PTK2: variants seen among roughly 807,000 people sequenced by gnomAD.
PTK2 encodes focal adhesion kinase 1.
PTK2 carries 45 observed loss-of-function variants against 150.1 expected under a neutral mutation model. That is an observed-to-expected ratio of 0.30 (90% confidence interval 0.24 to 0.38). The LOEUF (loss-of-function observed/expected upper bound fraction) is 0.38. PTK2 is among the 10% of genes least tolerant of loss of function. The probability of loss-of-function intolerance (pLI) is 1.00; values close to 1 mark genes in which losing one functional copy is unlikely to be tolerated. For missense variants in PTK2, 919 were observed against 1,307.3 expected (o/e 0.70, Z 4.58); for synonymous variants, 432 against 449.2 (o/e 0.96, Z 0.48).
chr8:140,979,965 C>A (rs945467069), intron 1 of PTK2, among the ~76,000 whole-genome samples: 2 of 152,160 alleles, frequency 1.3e-5, no homozygotes, highest in Non-Finnish European at 2.9e-5. Context: ...CAAACTAATA[C>A]AAGGAGTCAT....
chr8:140,868,322 T>A (rs574886342), intron 4 of PTK2, among the ~76,000 whole-genome samples: 1 of 152,332 alleles, frequency 6.6e-6, no homozygotes, highest in African/African-American at 2.4e-5. Context: ...GTGTGAACAG[T>A]CTGTTCTTAC....
intron 27 of PTK2, among the ~76,000 whole-genome samples, chr8:140,683,644 G>A (rs1279806593): frequency 1.3e-5 from 2 of 151,838 alleles, no homozygotes; most frequent in African/African-American, 4.8e-5. Flanking sequence ...ACAACAAAAA[G>A]CTAATCCACC....
intron 5 of PTK2, among the ~76,000 whole-genome samples, chr8:140,855,065 T>G (rs954114067): frequency 6.6e-6 from 1 of 152,198 alleles, no homozygotes; most frequent in African/African-American, 2.4e-5. Context: ...CATTTCTCAC[T>G]GCAGCCCAAA....
At chr8:140,891,917 C>T (rs569112707) in intron 2 of PTK2, among the ~76,000 whole-genome samples, 1 of 152,248 alleles carries the variant, frequency 6.6e-6, no homozygotes, top group African/African-American at 2.4e-5. Flanking sequence ...TCAGATCCAT[C>T]GTGGCAGGCC....
At chr8:140,905,565 C>T (rs13270279) in intron 2 of PTK2, among the ~76,000 whole-genome samples, 63,452 of 151,958 alleles carry the variant, frequency 0.42, 15,162 homozygotes, top group Non-Finnish European at 0.55. Context: ...GACTTCCACA[C>T]AATAATAGCG....
At chr8:140,863,815 T>C (rs2100137696) in intron 5 of PTK2, among the ~76,000 whole-genome samples, 2 of 152,350 alleles carry the variant, frequency 1.3e-5, no homozygotes, top group Middle Eastern at 3.4e-3. Flanking sequence ...TTAATAAATA[T>C]TTTTATTAAA....
At chr8:140,709,479 A>T (rs185942159) in intron 23 of PTK2, among the ~76,000 whole-genome samples, 68 of 152,350 alleles carry the variant, frequency 4.5e-4, no homozygotes, top group African/African-American at 1.6e-3. Context: ...TGTTCTCTAC[A>T]AATCAGAGGT....
Position 140,665,135 on chromosome 8 carries a change from T to C in PTK2, c.2866-138A>G, listed in dbSNP as rs1164213880. The stretch of plus-strand genomic sequence containing the variant: ...TTCTTTTTCTCAGTGCTTAGCCCTA[T>C]CTTGTAAGTTATGAGGCTCCTTTTT... On this transcript the variant is annotated intron_variant, in intron 30 of 31. Coordinates refer to ENST00000522684, the Ensembl canonical transcript of PTK2. 8.2e-6 allele frequency: 6 copies of C among 736,182 alleles called. No individual in the cohort carries two copies. The Admixed American group carries it at 1.7e-4, about 21-fold the overall frequency. The allele number at this position is 736,182 out of a possible 1,614,324, so 45.6% of individuals were successfully genotyped here.
At chr8:140,965,264 T>C (rs375291689) in intron 1 of PTK2, among the ~76,000 whole-genome samples, 5 of 152,164 alleles carry the variant, frequency 3.3e-5, no homozygotes, top group East Asian at 3.8e-4. Context: ...ACAGAGCAAC[T>C]TGTACTTTCT....
At position 140,936,147 on chromosome 8, in the gene PTK2, A is replaced by G. The variant is rs187037029; in HGVS notation, c.-121-10398T>C. Among the ~76,000 whole-genome samples, 1,317 of 152,254 alleles carry G rather than the reference A, an allele frequency of 8.7e-3. 22 individuals are homozygous for G. The highest frequency in any genetic ancestry group is 0.042 in the Admixed American group (643 of 15,294). ...TTGCCCTCCAGCCTGAGCTGGAGTA[A>G]AACTCTGTCTCTAAAATTAAAAAAA... On this transcript the variant is annotated intron_variant, in intron 1 of 31. Coordinates refer to ENST00000522684, the Ensembl canonical transcript of PTK2.
intron 22 of PTK2, among the ~76,000 whole-genome samples, chr8:140,726,347 G>C (rs1431162213): frequency 6.6e-6 from 1 of 152,124 alleles, no homozygotes. Flanking sequence ...AAATGTATCT[G>C]AAGAAACAAT....
intron 1 of PTK2, among the ~76,000 whole-genome samples, chr8:140,964,984 T>G (rs891089240): frequency 1.3e-5 from 2 of 152,224 alleles, no homozygotes; most frequent in Non-Finnish European, 2.9e-5. Context: ...TTGATGGTCC[T>G]GCTATCATGA....
intron 23 of PTK2, among the ~76,000 whole-genome samples, chr8:140,711,138 G>C (rs1359172228): frequency 1.3e-5 from 2 of 152,044 alleles, no homozygotes; most frequent in East Asian, 1.9e-4. Context: ...ATGGAGTCTT[G>C]TTCTGTCGCC....
chr8:140,892,775 C>A lies in PTK2; in HGVS notation c.-32-2006G>T, dbSNP rs112832446. Reference sequence around the variant, plus strand: ...AATACCCTATATATATACAGAAATTCTTTTAAAATGAGGGGGGAAATGATA... The same window carrying A: ...AATACCCTATATATATACAGAAATTATTTTAAAATGAGGGGGGAAATGATA... On this transcript the variant is annotated intron_variant, in intron 2 of 31. Transcript: ENST00000522684. 2.5e-3 allele frequency among the ~76,000 whole-genome samples: 381 copies of A among 151,996 alleles called. 3 individuals are homozygous for A. The highest frequency in any genetic ancestry group is 8.7e-3 in the African/African-American group (360 of 41,432).
chr8:140,722,562 C>T (rs574459036), intron 22 of PTK2, among the ~76,000 whole-genome samples: 1 of 152,286 alleles, frequency 6.6e-6, no homozygotes, highest in South Asian at 2.1e-4. Context: ...GCCACCATGC[C>T]CAGCCCCTGT....
chr8:140,965,185 A>C (rs2100184807), intron 1 of PTK2, among the ~76,000 whole-genome samples: 1 of 152,224 alleles, frequency 6.6e-6, no homozygotes, highest in Non-Finnish European at 1.5e-5. Flanking sequence ...CTAACTCTCT[A>C]GTCTAAAGTC....
chr8:140,957,797 G>A (rs1283881771), intron 1 of PTK2, among the ~76,000 whole-genome samples: 4 of 152,102 alleles, frequency 2.6e-5, no homozygotes, highest in African/African-American at 9.7e-5. Flanking sequence ...TGCAGTCTAG[G>A]AGCAATAGGC....
chr8:140,744,622 G>T, intron 19 of PTK2, 30 bp downstream of exon 22: 2 of 1,391,844 alleles, frequency 1.4e-6, no homozygotes, highest in Non-Finnish European at 2.0e-6. Context: ...TTTCAGAAGG[G>T]AACTTAACAG....
intron 12 of PTK2, among the ~76,000 whole-genome samples, chr8:140,794,457 CCTTA>C (rs753330225): frequency 2.0e-5 from 3 of 152,174 alleles, no homozygotes; most frequent in Admixed American, 6.5e-5. Flanking sequence ...CGGTTCCTCT[CCTTA>C]CTTTTGCCCT....
Sources: allele counts gnomAD v4.1 joint callset (sites outside exome capture counted in the v4.1 genomes callset), GRCh38; gene constraint gnomAD v4.1.1; transcripts MANE v1.5; gene names NCBI Gene and HGNC (gene_info 2026-07-23, HGNC 2026-07-21).